HNF4A: variants seen among roughly 807,000 people sequenced by gnomAD.
The protein encoded by HNF4A is hepatocyte nuclear factor 4 alpha.
Under a neutral mutation model 52.4 loss-of-function variants are expected in HNF4A, and 15 were observed. The ratio of observed to expected loss-of-function variants is 0.29; its 90% CI spans 0.19 to 0.44. The LOEUF (loss-of-function observed/expected upper bound fraction) is 0.44. Ranked by LOEUF, HNF4A falls within the 20% of genes least tolerant of loss-of-function variation. HNF4A has a pLI of 1.00. For synonymous variants in HNF4A, 280 were observed against 264.4 expected, an observed-to-expected ratio of 1.06 and a Z score of -0.57; for missense variants, 479 against 647.2, an observed-to-expected ratio of 0.74 and a Z score of 2.82.
intron 7 of HNF4A, among the ~76,000 whole-genome samples, chr20:44,420,879 A>T (rs756594400): frequency 6.6e-6 from 1 of 152,096 alleles, no homozygotes; most frequent in Non-Finnish European, 1.5e-5. Context: ...ACTTCTCCCC[A>T]TCCTACTTTT....
intron 1 of HNF4A, among the ~76,000 whole-genome samples, chr20:44,379,414 G>T (rs766193410): frequency 6.6e-6 from 1 of 152,002 alleles, no homozygotes; most frequent in South Asian, 2.1e-4. Flanking sequence ...GTTCCCACCA[G>T]CAGTGATAGG....
chr20:44,382,253 T>A (rs889741480), intron 1 of HNF4A, among the ~76,000 whole-genome samples: 1 of 151,304 alleles, frequency 6.6e-6, no homozygotes, highest in African/African-American at 2.4e-5. Context: ...TTCTTTTTTT[T>A]TTTTGAGACG....
At chr20:44,368,910 A>C (rs1271630719) in intron 1 of HNF4A, among the ~76,000 whole-genome samples, 1 of 152,192 alleles carries the variant, frequency 6.6e-6, no homozygotes, top group Non-Finnish European at 1.5e-5. Context: ...AAAATCAAGA[A>C]GTCTTGATTT....
At chr20:44,379,219 G>A (rs6017334) in intron 1 of HNF4A, among the ~76,000 whole-genome samples, 1 of 152,106 alleles carries the variant, frequency 6.6e-6, no homozygotes, top group South Asian at 2.1e-4. Context: ...TGGGTTGCCT[G>A]TACCTTTTGG....
exon 1 of HNF4A, chr20:44,355,850 T>A: frequency 1.2e-6 from 2 of 1,611,524 alleles, no homozygotes; most frequent in Non-Finnish European, 1.7e-6. Context: ...GGAGAGTTCT[T>A]ACGGTAAGTG....
intron 7 of HNF4A, 115 bp from the exon 8 acceptor site, chr20:44,423,903 C>T: frequency 4.3e-6 from 4 of 928,634 alleles, no homozygotes; most frequent in Non-Finnish European, 6.8e-6. Context: ...ATCCTTGTGC[C>T]CACACTGCTG....
chr20:44,373,096 G>A (rs2063050658), intron 1 of HNF4A: 1 of 152,114 alleles, frequency 6.6e-6, no homozygotes. Context: ...TGCACATAAA[G>A]GCTCTATAAA....
intron 1 of HNF4A, among the ~76,000 whole-genome samples, chr20:44,369,740 C>A (rs1285332272): frequency 3.9e-5 from 6 of 152,068 alleles, no homozygotes; most frequent in Non-Finnish European, 8.8e-5. Context: ...GATCTTGGCT[C>A]ACTGCAACCT....
At chr20:44,406,393 C>T (rs1196308356) in intron 2 of HNF4A, among the ~76,000 whole-genome samples, 161 bp downstream of exon 2, 2 of 152,232 alleles carry the variant, frequency 1.3e-5, no homozygotes, top group Non-Finnish European at 2.9e-5. Flanking sequence ...CCAAGAAGAG[C>T]ATCTATTCTA....
intron 1 of HNF4A, among the ~76,000 whole-genome samples, chr20:44,403,164 A>G (rs949415986): frequency 1.3e-5 from 2 of 152,114 alleles, no homozygotes; most frequent in Non-Finnish European, 2.9e-5. Context: ...ACTTTTTCCA[A>G]GCCCAGGAAC....
At chr20:44,370,100 C>T (rs1411151016) in intron 1 of HNF4A, among the ~76,000 whole-genome samples, 1 of 152,136 alleles carries the variant, frequency 6.6e-6, no homozygotes, top group African/African-American at 2.4e-5. Flanking sequence ...GATCTCGGCT[C>T]ACTGCAAGCT....
intron 1 of HNF4A, among the ~76,000 whole-genome samples, chr20:44,360,325 G>A (rs545649257): frequency 6.6e-6 from 1 of 152,288 alleles, no homozygotes; most frequent in African/African-American, 2.4e-5. Context: ...CTGGATGGAT[G>A]AGACAAATGA....
intron 1 of HNF4A, among the ~76,000 whole-genome samples, chr20:44,376,122 G>A (rs942493326): frequency 1.3e-5 from 2 of 152,000 alleles, no homozygotes; most frequent in Non-Finnish European, 2.9e-5. Flanking sequence ...GTAATTAGCC[G>A]GGCATGGTGG....
chr20:44,384,575 G>T (rs1280549652), intron 1 of HNF4A: 1 of 152,136 alleles, frequency 6.6e-6, no homozygotes, highest in South Asian at 2.1e-4. Flanking sequence ...GTTGTGGAAC[G>T]ATTCATATCT....
intron 1 of HNF4A, among the ~76,000 whole-genome samples, chr20:44,372,505 C>G (rs2063043973): frequency 6.6e-6 from 1 of 152,092 alleles, no homozygotes; most frequent in African/African-American, 2.4e-5. Context: ...AAATCTCACT[C>G]CCAGGCCCCA....
At chr20:44,412,595 G>A (rs2063601791) in intron 3 of HNF4A, among the ~76,000 whole-genome samples, 1 of 152,090 alleles carries the variant, frequency 6.6e-6, no homozygotes, top group African/African-American at 2.4e-5. Flanking sequence ...AGCAGCAGGC[G>A]ACATGACTTG....
chr20:44,385,882 C>G (rs1395643367), intron 1 of HNF4A, among the ~76,000 whole-genome samples: 2 of 146,088 alleles, frequency 1.4e-5, no homozygotes, highest in Non-Finnish European at 3.0e-5. Context: ...TTTTTTAAGG[C>G]AGGGTCTCGC....
At chr20:44,363,738 T>G (rs1292768752) in intron 1 of HNF4A, among the ~76,000 whole-genome samples, 1 of 136,114 alleles carries the variant, frequency 7.3e-6, no homozygotes, top group African/African-American at 2.8e-5. Flanking sequence ...TGAGACAGAG[T>G]CTCAATGTCA....
chr20:44,391,922 A>G (rs2063306735), intron 1 of HNF4A: 1 of 152,214 alleles, frequency 6.6e-6, no homozygotes, highest in Admixed American at 6.5e-5. Flanking sequence ...TTGATTCTGA[A>G]CCATGCGAAT....
Sources: allele counts gnomAD v4.1 joint callset (sites outside exome capture counted in the v4.1 genomes callset), GRCh38; gene constraint gnomAD v4.1.1; transcripts MANE v1.5; gene names NCBI Gene and HGNC (gene_info 2026-07-23, HGNC 2026-07-21).